RSPO2: variants seen among roughly 807,000 people sequenced by gnomAD.
RSPO2 encodes the protein R-spondin 2.
A neutral mutation model predicts 30.9 loss-of-function variants in RSPO2; 14 were observed. The observed-to-expected ratio is 0.45, with a 90% confidence interval of 0.30 to 0.71. RSPO2 has a LOEUF of 0.71. Ranked by LOEUF, RSPO2 falls within the 30% of genes least tolerant of loss-of-function variation. The pLI is 0.08. For synonymous variants in RSPO2, 107 were observed against 96.4 expected, an observed-to-expected ratio of 1.11 and a Z score of -0.64; for missense variants, 264 against 301.9, an observed-to-expected ratio of 0.87 and a Z score of 0.93.
chr8:108,042,732 A>C (rs1449663708), intron 2 of RSPO2, among the ~76,000 whole-genome samples: 1 of 152,152 alleles, frequency 6.6e-6, no homozygotes, highest in African/African-American at 2.4e-5. Flanking sequence ...CGGCTGGGGC[A>C]ACAATGGCCC....
chr8:107,989,514 A>C (rs1814775107), intron 2 of RSPO2: 1 of 365,706 alleles, frequency 2.7e-6, no homozygotes, highest in South Asian at 5.2e-5. Flanking sequence ...GACCAGACAG[A>C]GGTAGAACTT....
intron 5 of RSPO2, among the ~76,000 whole-genome samples, chr8:107,934,282 A>C (rs1196424558): frequency 6.6e-6 from 1 of 152,176 alleles, no homozygotes; most frequent in Non-Finnish European, 1.5e-5. Context: ...AAATAATCCA[A>C]AATACAGAAT....
At chr8:107,947,048 T>C (rs1398526667) in intron 5 of RSPO2, among the ~76,000 whole-genome samples, 1 of 152,240 alleles carries the variant, frequency 6.6e-6, no homozygotes, top group East Asian at 1.9e-4. Flanking sequence ...TCTCACTTCA[T>C]GCCACAAACT....
chr8:107,986,713 C>T (rs1474318290), intron 3 of RSPO2, among the ~76,000 whole-genome samples: 1 of 152,096 alleles, frequency 6.6e-6, no homozygotes, highest in Non-Finnish European at 1.5e-5. Context: ...ACAATGCTAG[C>T]CCTAGAACTT....
At chr8:108,058,754 T>G (rs1812345097) in intron 2 of RSPO2, among the ~76,000 whole-genome samples, 1 of 151,846 alleles carries the variant, frequency 6.6e-6, no homozygotes, top group Non-Finnish European at 1.5e-5. Context: ...GGGAAAGGAT[T>G]CCCTATTTAA....
At chr8:107,995,797 C>A (rs1343169536) in intron 2 of RSPO2, among the ~76,000 whole-genome samples, 1 of 152,076 alleles carries the variant, frequency 6.6e-6, no homozygotes, top group Non-Finnish European at 1.5e-5. Context: ...TTTATCACTT[C>A]TCATTTGAAT....
At chr8:107,950,230 G>C (rs1184204433) in intron 5 of RSPO2, among the ~76,000 whole-genome samples, 2 of 152,130 alleles carry the variant, frequency 1.3e-5, no homozygotes, top group African/African-American at 4.8e-5. Context: ...TGTTTATTGT[G>C]TATAAACAGA....
At chr8:107,938,389 T>C (rs956254438) in intron 5 of RSPO2, among the ~76,000 whole-genome samples, 3 of 152,170 alleles carry the variant, frequency 2.0e-5, no homozygotes, top group African/African-American at 7.2e-5. Flanking sequence ...ACTTAACATA[T>C]TGAAATAAAA....
At position 108,019,688 on chromosome 8, in the gene RSPO2, C is replaced by A. The variant is rs564712940; in HGVS notation, c.95-30444G>T. Among the ~76,000 whole-genome samples the A allele has an allele frequency of 1.1e-4, 17 of 152,278 alleles. No homozygotes were observed. The South Asian group carries it at 2.1e-3, about 19-fold the overall frequency. ...CTTTTTATTTTTTTCGTTTGTTAAC[C>A]TGTGTGACAAGAACACTAGTCAGTC... is the stretch of plus-strand genomic sequence containing the variant. On this transcript the variant is annotated intron_variant, in intron 2 of 5. Transcript: ENST00000276659.
chr8:108,034,588 G>T (rs938330638), intron 2 of RSPO2, among the ~76,000 whole-genome samples: 3 of 152,110 alleles, frequency 2.0e-5, no homozygotes, highest in Non-Finnish European at 2.9e-5. Context: ...GGTGTAGGAG[G>T]TATCTCCTAT....
intron 2 of RSPO2, among the ~76,000 whole-genome samples, chr8:108,046,756 A>T (rs1811918644): frequency 6.6e-6 from 1 of 152,202 alleles, no homozygotes; most frequent in African/African-American, 2.4e-5. Flanking sequence ...TACACATGAA[A>T]TAAACAAGAA....
rs533549408 is a variant in RSPO2 at position 108,056,031 on chromosome 8, G to C, written c.94+26514C>G. On this transcript the variant is annotated intron_variant, in intron 2 of 5. Coordinates refer to ENST00000276659, the MANE Select transcript of RSPO2 (RefSeq NM_178565.5). The stretch of plus-strand genomic sequence containing the variant: ...GTCCCTCAGATTCATCTTTAAGATG[G>C]AGAGAAAAATAGGTCTACCTCACAA... Among the ~76,000 whole-genome samples, 6 of 152,268 alleles carry C rather than the reference G, an allele frequency of 3.9e-5. No individual in the cohort carries two copies. In the East Asian group the frequency reaches 1.2e-3, roughly 29 times the overall value.
intron 2 of RSPO2, among the ~76,000 whole-genome samples, chr8:108,023,115 G>T (rs1043401563): frequency 1.3e-5 from 2 of 152,062 alleles, no homozygotes; most frequent in African/African-American, 4.8e-5. Context: ...TTCATTGATT[G>T]ATTTCTTATA....
intron 2 of RSPO2, among the ~76,000 whole-genome samples, chr8:108,059,295 C>G (rs1055137844): frequency 4.6e-5 from 7 of 151,634 alleles, no homozygotes; most frequent in East Asian, 1.9e-4. Flanking sequence ...ATCAAAACCA[C>G]AATGAGATAC....
At chr8:108,041,961 A>T (rs1475906985) in intron 2 of RSPO2, among the ~76,000 whole-genome samples, 1 of 152,096 alleles carries the variant, frequency 6.6e-6, no homozygotes, top group East Asian at 1.9e-4. Flanking sequence ...AACAGTGTTT[A>T]AAAAAATAGT....
chr8:107,997,024 C>G (rs1563556013), intron 2 of RSPO2: 2 of 398,092 alleles, frequency 5.0e-6, no homozygotes, highest in Admixed American at 3.0e-5. Flanking sequence ...TTTCTCCAAT[C>G]TTCAATCATG....
chr8:107,921,672 A>G (rs756476909), intron 5 of RSPO2, among the ~76,000 whole-genome samples: 9 of 151,688 alleles, frequency 5.9e-5, no homozygotes, highest in Non-Finnish European at 1.0e-4. Flanking sequence ...CTTCCAGCCA[A>G]TATCCTTGAG....
intron 2 of RSPO2, among the ~76,000 whole-genome samples, chr8:108,027,238 TG>T: frequency 6.6e-6 from 1 of 152,362 alleles, no homozygotes; most frequent in Non-Finnish European, 1.5e-5. Context: ...ATTTTCCTCT[TG>T]GGATTCTCAG....
At chr8:107,927,729 G>C (rs1677600343) in intron 5 of RSPO2, among the ~76,000 whole-genome samples, 1 of 152,116 alleles carries the variant, frequency 6.6e-6, no homozygotes, top group Non-Finnish European at 1.5e-5. Context: ...AACCAGCCTT[G>C]CATCCCAGGG....
Sources: allele counts gnomAD v4.1 joint callset (sites outside exome capture counted in the v4.1 genomes callset), GRCh38; gene constraint gnomAD v4.1.1; transcripts MANE v1.5; gene names NCBI Gene and HGNC (gene_info 2026-07-23, HGNC 2026-07-21).